IL36RN: variants seen among roughly 807,000 people sequenced by gnomAD.
The protein encoded by IL36RN is interleukin 36 receptor antagonist.
In IL36RN, 11 loss-of-function variants were observed where a neutral mutation model predicts 13.0. The ratio of observed to expected loss-of-function variants is 0.85; its 90% confidence interval spans 0.53 to 1.40. IL36RN has a LOEUF of 1.40. Among genes scored for constraint, IL36RN ranks in the 40% most tolerant of loss-of-function variants. The pLI is 0.00. For synonymous variants in IL36RN, 94 were observed against 84.1 expected (o/e 1.12, Z -0.64); for missense variants, 195 against 195.3 (o/e 1.00, Z 0.01).
intron 4 of IL36RN, 24 bp downstream of exon 4, chr2:113,062,275 G>A: frequency 1.2e-6 from 2 of 1,613,598 alleles, no homozygotes; most frequent in Non-Finnish European, 1.7e-6. Flanking sequence ...CATCCTCACT[G>A]GGGACTCAGC....
intron 3 of IL36RN, 32 bp from the exon 4 acceptor site, chr2:113,062,092 C>T (rs778652607): frequency 1.2e-6 from 2 of 1,611,364 alleles, no homozygotes; most frequent in Non-Finnish European, 1.7e-6. Flanking sequence ...GGAAAGGCAT[C>T]CAGGGCCCTG....
At chr2:113,059,191 G>C (rs1685588115), upstream of IL36RN, 7 of 577,372 alleles carry the variant, frequency 1.2e-5, no homozygotes, top group Non-Finnish European at 1.9e-5. Context: ...GGCATCCTTG[G>C]AGGAACAGGC....
At chr2:113,058,654 A>G (rs1038145284), upstream of IL36RN, 10 of 152,320 alleles carry the variant, frequency 6.6e-5, no homozygotes, top group African/African-American at 2.4e-4. Context: ...TCCCACCTCT[A>G]ACATCTCCTG....
At chr2:113,059,598 A>C in intron 2 of IL36RN, 131 bp downstream of exon 2, 2 of 1,033,900 alleles carry the variant, frequency 1.9e-6, no homozygotes, top group Non-Finnish European at 3.0e-6. Flanking sequence ...TGTGACCAGC[A>C]CCTCACTGCT....
upstream of IL36RN, chr2:113,059,065 T>A: frequency 3.1e-6 from 1 of 325,632 alleles, no homozygotes; most frequent in East Asian, 6.8e-5. Context: ...CGACAGATAA[T>A]GAGCAGCAAG....
In IL36RN at chr2:113,063,817, T is replaced by C. The variant is rs1558844446; in HGVS notation, c.*1140T>C. On this transcript the variant is annotated 3_prime_UTR_variant, in exon 5 of 5. Transcript: ENST00000393200. ...AACTTAAAGAACAAAAATCATCTGG[T>C]AATTCTTTCCTAGAAGGATCACAGC... 1 of 152,216 alleles carries C rather than the reference T, an allele frequency of 6.6e-6. No homozygotes were observed. Among genetic ancestry groups the C allele is most frequent in the Non-Finnish European group, 1.5e-5 (1 of 68,052 alleles). The allele number at this position is 152,216 out of a possible 1,614,324, so 9.4% of individuals were successfully genotyped here.
In IL36RN at chr2:113,059,527, C is replaced by T. The variant is rs374765562; in HGVS notation, c.29+60C>T. ...CCGGAGGAAGTGAGTTCTGGATAGACCCGTTGTCCAGCTCTGAGCAGGAGG... is the reference window on the plus strand; with the variant it reads ...CCGGAGGAAGTGAGTTCTGGATAGATCCGTTGTCCAGCTCTGAGCAGGAGG... On this transcript the variant is annotated intron_variant, in intron 2 of 4. Transcript: ENST00000393200. The T allele has an allele frequency of 3.1e-6, 5 of 1,587,378 alleles. No individual in the cohort carries two copies. In the African/African-American group the frequency reaches 5.4e-5, roughly 17 times the overall value.
rs1685659506 is a variant in IL36RN, at chr2:113,062,361, AT to A, written c.244-91del. 2.5e-6 allele frequency: 4 copies of A among 1,605,634 alleles called. No individual in the cohort carries two copies. In the Admixed American group the frequency reaches 6.7e-5, roughly 27 times the overall value. On this transcript the variant is annotated intron_variant, in intron 4 of 4. Coordinates refer to ENST00000393200, the MANE Select transcript of IL36RN (RefSeq NM_012275.3). ...GGGACACCCTAGCAGGATTCTGTTG[AT>A]GGCAGCTTTGCCTCCTCCCTAAGGA...
chr2:113,062,711 C>A lies in IL36RN; in HGVS notation c.*34C>A, dbSNP rs527722260. 4 of 1,580,152 alleles carry A rather than the reference C, an allele frequency of 2.5e-6. No individual in the cohort carries two copies. Among genetic ancestry groups the A allele is most frequent in the South Asian group, 2.2e-5 (2 of 89,896 alleles). ...GCCCCCCAGAACTCCCTGGGCAGAG[C>A]CAGCTCGGGTGAGGGGTGAGTGGAG... On this transcript the variant is annotated 3_prime_UTR_variant, in exon 5 of 5. Transcript: ENST00000393200.
chr2:113,059,187 C>G (rs1250605350), upstream of IL36RN: 1 of 572,534 alleles, frequency 1.7e-6, no homozygotes, highest in Non-Finnish European at 3.1e-6. Context: ...CTGAGGCATC[C>G]TTGGAGGAAC....
chr2:113,062,842 G>A lies in IL36RN; in HGVS notation c.*165G>A, dbSNP rs529172925. The A allele has an allele frequency of 2.9e-6, 2 of 699,474 alleles. No individual in the cohort carries two copies. The highest frequency in any genetic ancestry group is 3.2e-5 in the South Asian group (2 of 61,686). 43.3% of individuals were successfully genotyped at this position (699,474 alleles called of 1,614,324 possible). On this transcript the variant is annotated 3_prime_UTR_variant, in exon 5 of 5. Transcript: ENST00000393200. ...CTGGTTCCCAGTTTGGATAAATTCT[G>A]AGATTTGGAGCTCAGTCCACGGTCC...
At position 113,062,612 on chromosome 2, in the gene IL36RN, C is replaced by A; in HGVS notation, c.403C>A (p.Gln135Lys). The change falls in exon 5 of 5, where the codon CAG becomes AAG. Residue 135 changes from glutamine (Q) to lysine (K), a missense_variant. Coordinates refer to ENST00000393200, the MANE Select transcript of IL36RN (RefSeq NM_012275.3). ...AGCCGATCAGCCTGTCAGACTCACCCAGCTTCCCGAGAATGGTGGCTGGAA... is the reference window on the plus strand; with the variant it reads ...AGCCGATCAGCCTGTCAGACTCACCAAGCTTCCCGAGAATGGTGGCTGGAA... ...PEADQPVRLT[Q>K]LPENGGWNAP... 6.2e-7 allele frequency: 1 copy of A among 1,613,588 alleles called. No individual in the cohort carries two copies. The highest frequency in any genetic ancestry group is 1.1e-5 in the South Asian group (1 of 91,074).
chr2:113,062,053 C>T (rs1685651802), intron 3 of IL36RN, 71 bp from the exon 4 acceptor site: 3 of 1,575,038 alleles, frequency 1.9e-6, no homozygotes, highest in Admixed American at 1.8e-5. Flanking sequence ...AGTCCTGTGC[C>T]CTAGAGCCCA....
At chr2:113,061,895 A>G (rs1212165318) in intron 3 of IL36RN, among the ~76,000 whole-genome samples, 3 of 152,006 alleles carry the variant, frequency 2.0e-5, no homozygotes, top group African/African-American at 7.3e-5. Context: ...TGAAGATTTG[A>G]CCCTGAACTA....
In IL36RN at chr2:113,062,167, C is replaced by G. The variant is rs1168640550; in HGVS notation, c.159C>G (p.Ser53Arg). ...SVVPNRWLDA[S>R]LSPVILGVQG... ...TCCCCAATCGGTGGCTGGATGCCAG[C>G]CTGTCCCCCGTCATCCTGGGTGTCC... The change falls in exon 4 of 5, where the codon AGC (serine) becomes AGG (arginine). Residue 53 changes from serine to arginine, a missense_variant. Physicochemically the swap from Ser to Arg is moderately radical, Grantham distance 110. Transcript: ENST00000393200. The G allele has an allele frequency of 6.2e-7, 1 of 1,614,108 alleles. No individual in the cohort carries two copies. The highest frequency in any genetic ancestry group is 1.1e-5 in the South Asian group (1 of 91,088).
chr2:113,060,689 A>G (rs566954591), intron 2 of IL36RN, among the ~76,000 whole-genome samples, 163 bp from the exon 3 acceptor site: 70 of 152,346 alleles, frequency 4.6e-4, no homozygotes, highest in African/African-American at 1.6e-3. Context: ...CTTGTAGGGC[A>G]TGAGCCCAGC....
At position 113,062,724 on chromosome 2, in the gene IL36RN, G is replaced by A. The variant is rs1362618916; in HGVS notation, c.*47G>A. On this transcript the variant is annotated 3_prime_UTR_variant, in exon 5 of 5. Transcript: ENST00000393200. ...CCCTGGGCAGAGCCAGCTCGGGTGA[G>A]GGGTGAGTGGAGGAGACCCATGGCG... The A allele has an allele frequency of 5.9e-6, 9 of 1,532,158 alleles. No homozygotes were observed. Among genetic ancestry groups the A allele is most frequent in the East Asian group, 2.3e-5 (1 of 43,938 alleles). 94.9% of individuals were successfully genotyped at this position (1,532,158 alleles called of 1,614,324 possible).
chr2:113,059,068 G>A, upstream of IL36RN: 1 of 329,396 alleles, frequency 3.0e-6, no homozygotes, highest in Non-Finnish European at 5.8e-6. Context: ...CAGATAATGA[G>A]CAGCAAGTGC....
In IL36RN at chr2:113,062,721, T is replaced by A. The variant is rs749764328; in HGVS notation, c.*44T>A. On this transcript the variant is annotated 3_prime_UTR_variant, in exon 5 of 5. Coordinates refer to ENST00000393200, the MANE Select transcript of IL36RN (RefSeq NM_012275.3). ...ACTCCCTGGGCAGAGCCAGCTCGGG[T>A]GAGGGGTGAGTGGAGGAGACCCATG... 9 of 1,546,722 alleles carry A rather than the reference T, an allele frequency of 5.8e-6. No individual in the cohort carries two copies. The East Asian group carries it at 9.1e-5, about 16-fold the overall frequency.
Sources: allele counts gnomAD v4.1 joint callset (sites outside exome capture counted in the v4.1 genomes callset), GRCh38; gene constraint gnomAD v4.1.1; transcripts MANE v1.5; gene names NCBI Gene and HGNC (gene_info 2026-07-23, HGNC 2026-07-21).